ELMO3: variants seen among roughly 807,000 people sequenced by gnomAD.
The protein encoded by ELMO3 is engulfment and cell motility 3, also known as engulfment and cell motility protein 3.
In ELMO3, 81 loss-of-function variants were observed where a neutral mutation model predicts 89.0. That is an observed-to-expected ratio of 0.91 (90% CI 0.76 to 1.09). The LOEUF (loss-of-function observed/expected upper bound fraction) is 1.09. ELMO3 is among the 50% of genes least tolerant of loss of function. ELMO3 has a pLI of 0.00. For missense variants in ELMO3, 959 were observed against 972.8 expected (o/e 0.99, Z 0.19); for synonymous variants, 406 against 400.6 (o/e 1.01, Z -0.16).
At position 67,202,701 on chromosome 16, in the gene ELMO3, C is replaced by T. The variant is rs1332705276; in HGVS notation, c.1473C>T (p.Thr491=). 19 of 1,613,560 alleles carry T rather than the reference C, an allele frequency of 1.2e-5. No individual in the cohort carries two copies. The highest frequency in any genetic ancestry group is 1.5e-5 in the Non-Finnish European group (18 of 1,179,996). The change falls in exon 15 of 20, where the codon ACC becomes ACT. Residue 491 remains threonine, a synonymous_variant. Coordinates refer to ENST00000393997, the MANE Select transcript of ELMO3 (RefSeq NM_024712.5). ...CCACTTCCCTGGAGCTCTTCCGAAC[C>T]AAGGTGAATGCGCTCACTTATGGGG... ...LKPTSLELFR[T]KVNALTYGEV... is the part of the protein sequence containing the mutation.
chr16:67,199,892 A>G, intron 3 of ELMO3, 59 bp from the exon 4 acceptor site: 3 of 1,611,826 alleles, frequency 1.9e-6, no homozygotes, highest in Non-Finnish European at 2.5e-6. Flanking sequence ...CCGACACCCC[A>G]GTTGATCAGT....
chr16:67,203,771 G>C lies in ELMO3; in HGVS notation c.2057G>C (p.Arg686Pro). 1.2e-6 allele frequency: 2 copies of C among 1,613,124 alleles called. No homozygotes were observed. Among genetic ancestry groups the C allele is most frequent in the Non-Finnish European group, 1.7e-6 (2 of 1,179,940 alleles). The change falls in exon 20 of 20, where the codon CGT becomes CCT. Residue 686 changes from arginine (R) to proline (P), a missense_variant. Arg to Pro is a moderately radical substitution (Grantham distance 103, BLOSUM62 -2). Transcript: ENST00000393997. This position sits in a 1 kb window ranked among gnomAD's most constrained non-coding sequence, Gnocchi z 4.6. ...EQLLTMETKL[R>P]LLELENVPIP... ...CTGCTGACCATGGAGACCAAGCTGCGTCTGCTGGAGCTGGAGAACGTGCCC... is the reference window on the plus strand; with the variant it reads ...CTGCTGACCATGGAGACCAAGCTGCCTCTGCTGGAGCTGGAGAACGTGCCC...
Position 67,203,187 on chromosome 16 carries a change from G to T in ELMO3, c.1744G>T (p.Ala582Ser). 6.2e-7 allele frequency: 1 copy of T among 1,610,678 alleles called. No individual in the cohort carries two copies. Residue 582 changes from alanine to serine, a missense_variant, in exon 17 of 20, where the codon GCC becomes TCC. Physicochemically the swap from Ala to Ser is moderately conservative, Grantham distance 99. Coordinates refer to ENST00000393997, the MANE Select transcript of ELMO3 (RefSeq NM_024712.5). This position sits in a 1 kb window ranked among gnomAD's most constrained non-coding sequence, Gnocchi z 4.6. ...LLQYGDMEEG[A>S]SPPTLESLPE... ...GCAGTACGGAGACATGGAGGAGGGC[G>T]CCAGCCCGCCTACCCTGGAGAGTCT... is the stretch of plus-strand genomic sequence containing the variant.
chr16:67,202,709 A>G lies in ELMO3; in HGVS notation c.1481A>G (p.Asn494Ser). Residue 494 changes from asparagine to serine, a missense_variant, in exon 15 of 20, where the codon AAT (asparagine) becomes AGT (serine). Asn to Ser is a conservative substitution (Grantham distance 46). Transcript: ENST00000393997. The part of the protein sequence containing the change: ...TSLELFRTKV[N>S]ALTYGEVLRL... ...CTGGAGCTCTTCCGAACCAAGGTGAATGCGCTCACTTATGGGGAGGTGCTG... is the reference window on the plus strand; with the variant it reads ...CTGGAGCTCTTCCGAACCAAGGTGAGTGCGCTCACTTATGGGGAGGTGCTG... 1 of 1,613,608 alleles carries G rather than the reference A, an allele frequency of 6.2e-7. No individual in the cohort carries two copies. Among genetic ancestry groups the G allele is most frequent in the Non-Finnish European group, 8.5e-7 (1 of 1,179,974 alleles).
rs1249238467 is a variant in ELMO3, at chr16:67,203,805, G to A, written c.2091G>A (p.Glu697=). Residue 697 remains glutamate, a synonymous_variant, in exon 20 of 20, where the codon GAG becomes GAA. Coordinates refer to ENST00000393997, the MANE Select transcript of ELMO3 (RefSeq NM_024712.5). The surrounding 1 kb of genome is among the most constrained non-coding windows in gnomAD (Gnocchi z 4.6). The part of the protein sequence containing the change: ...LLELENVPIP[E]RPPPVPPPPT... ...AGCTGGAGAACGTGCCCATCCCCGA[G>A]CGGCCACCCCCTGTGCCCCCACCCC... 6.2e-7 allele frequency: 1 copy of A among 1,611,314 alleles called. No individual in the cohort carries two copies. Among genetic ancestry groups the A allele is most frequent in the Non-Finnish European group, 8.5e-7 (1 of 1,179,326 alleles).
chr16:67,200,992 T>C, intron 8 of ELMO3, 24 bp downstream of exon 8: 1 of 1,580,306 alleles, frequency 6.3e-7, no homozygotes, highest in Non-Finnish European at 8.5e-7. Context: ...GGTGGCTAGA[T>C]GGGGGCAGCA....
rs1327339723 is a variant in ELMO3 at position 67,202,611 on chromosome 16, G to A, written c.1399-16G>A. On this transcript the variant is annotated splice_polypyrimidine_tract_variant and intron_variant, in intron 14 of 19. Transcript: ENST00000393997. Reference sequence around the variant, plus strand: ...GTACAGAGCTTAGGCCCTGAGCTGAGCTTGGGCGGCCCCAGGTCATGCAGG... The same window carrying A: ...GTACAGAGCTTAGGCCCTGAGCTGAACTTGGGCGGCCCCAGGTCATGCAGG... The A allele has an allele frequency of 3.1e-6, 5 of 1,613,206 alleles. No homozygotes were observed. In the Admixed American group the frequency reaches 5.0e-5, roughly 16 times the overall value.
intron 5 of ELMO3, 26 bp downstream of exon 5, chr16:67,200,387 G>A: frequency 6.2e-7 from 1 of 1,612,376 alleles, no homozygotes; most frequent in Non-Finnish European, 8.5e-7. Flanking sequence ...TGTGGGCTGG[G>A]GGAGATGGTG....
rs201968221 is a variant in ELMO3 at position 67,202,269 on chromosome 16, C to T, written c.1246C>T (p.Arg416Cys). 1.0e-5 allele frequency: 16 copies of T among 1,607,732 alleles called. No individual in the cohort carries two copies. The highest frequency in any genetic ancestry group is 2.2e-5 in the East Asian group (1 of 44,734). ...QLTVLLCELL[R>C]VGEPCSETAQ... ...GACGGTGCTGCTGTGTGAGCTGCTCCGTGTTGGGGAGCCCTGTGAGTGGCC... is the reference window on the plus strand; with the variant it reads ...GACGGTGCTGCTGTGTGAGCTGCTCTGTGTTGGGGAGCCCTGTGAGTGGCC... Residue 416 changes from arginine to cysteine, a missense_variant, in exon 13 of 20, where the codon CGT (arginine) becomes TGT (cysteine). Coordinates refer to ENST00000393997, the MANE Select transcript of ELMO3 (RefSeq NM_024712.5).
Position 67,203,141 on chromosome 16 carries a change from G to A in ELMO3, c.1698G>A (p.Leu566=), listed in dbSNP as rs2033164277. ...RRQDKLWFCC[L]SPNHKLLQYG... ...CAGATAAGCTGTGGTTCTGCTGCCT[G>A]TCCCCCAACCACAAGCTGCTGCAGT... Residue 566 remains leucine, a synonymous_variant, in exon 17 of 20, where the codon CTG becomes CTA. Transcript: ENST00000393997. This position sits in a 1 kb window ranked among gnomAD's most constrained non-coding sequence, Gnocchi z 4.6. The A allele has an allele frequency of 6.2e-7, 1 of 1,611,990 alleles. No homozygotes were observed.
In ELMO3 at chr16:67,202,039, G is replaced by A. The variant is rs373903466; in HGVS notation, c.1113G>A (p.Met371Ile). 5 of 1,547,124 alleles carry A rather than the reference G, an allele frequency of 3.2e-6. No individual in the cohort carries two copies. The Admixed American group carries it at 5.2e-5, about 16-fold the overall frequency. Residue 371 changes from methionine to isoleucine, a missense_variant, in exon 12 of 20, where the codon ATG (methionine) becomes ATA (isoleucine). Coordinates refer to ENST00000393997, the MANE Select transcript of ELMO3 (RefSeq NM_024712.5). ...VPPGLLALDN[M>I]LYFSRNAPSA... ...CCGGTCTGCTGGCCCTGGACAACAT[G>A]TTGTACTTCTCCAGAAACGCGCCCA...
At position 67,202,970 on chromosome 16, in the gene ELMO3, G is replaced by A. The variant is rs375211880; in HGVS notation, c.1641G>A (p.Thr547=). The A allele has an allele frequency of 1.9e-4, 300 of 1,607,802 alleles. 1 individual carries two copies. Among genetic ancestry groups the A allele is most frequent in the African/African-American group, 4.0e-5 (3 of 74,916 alleles). ...QQRLLRLCEG[T]LFRKISSRRR... Reference sequence around the variant, plus strand: ...GCTTGCTCCGCCTCTGTGAGGGGACGCTCTTCCGCAAGATCAGCAGCCGGC... The same window carrying A: ...GCTTGCTCCGCCTCTGTGAGGGGACACTCTTCCGCAAGATCAGCAGCCGGC... The change falls in exon 16 of 20, where the codon ACG becomes ACA. Residue 547 remains threonine (T), a synonymous_variant. Transcript: ENST00000393997.
At chr16:67,202,328 C>A in intron 13 of ELMO3, 44 bp downstream of exon 13, 1 of 1,613,348 alleles carries the variant, frequency 6.2e-7, no homozygotes, top group Non-Finnish European at 8.5e-7. Context: ...GAGCAGGGGA[C>A]GGAAGGGCAG....
rs867301547 is a variant in ELMO3 at position 67,203,001 on chromosome 16, C to T, written c.1672C>T (p.Gln558Ter). 6.2e-7 allele frequency: 1 copy of T among 1,605,346 alleles called. No individual in the cohort carries two copies. Among genetic ancestry groups the T allele is most frequent in the South Asian group, 1.1e-5 (1 of 91,040 alleles). The stretch of plus-strand genomic sequence containing the variant: ...CCGCAAGATCAGCAGCCGGCGGCGC[C>T]AGGGTCTCTGAATGGGCATGGGCAG... ...LFRKISSRRR[Q>*]DKLWFCCLSP... is the part of the protein sequence containing the mutation. The change falls in exon 16 of 20, where the codon CAG (glutamine) becomes TAG (stop). Residue 558 changes from glutamine (Q) to a stop codon, truncating the protein, a stop_gained. Transcript: ENST00000393997. LOFTEE classifies it high-confidence loss of function. The surrounding 1 kb of genome is among the most constrained non-coding windows in gnomAD (Gnocchi z 4.6).
chr16:67,200,979 A>T lies in ELMO3; in HGVS notation c.744+11A>T, dbSNP rs1048143893. The T allele has an allele frequency of 1.9e-6, 3 of 1,588,520 alleles. No individual in the cohort carries two copies. The highest frequency in any genetic ancestry group is 1.9e-4 in the Middle Eastern group (1 of 5,200). ...CCTGTGGAACGCAAGGTGAGTGTCG[A>T]TCGGTGGCTAGATGGGGGCAGCACC... On this transcript the variant is annotated intron_variant, in intron 8 of 19. Transcript: ENST00000393997.
Position 67,201,013 on chromosome 16 carries a change from G to A in ELMO3, c.744+45G>A, listed in dbSNP as rs933111597. 10 of 1,558,086 alleles carry A rather than the reference G, an allele frequency of 6.4e-6. No homozygotes were observed. The East Asian group carries it at 1.1e-4, about 18-fold the overall frequency. ...TAGATGGGGGCAGCACCCGGTGGGCGCTGCCCCACCCTGAAGCAAAATCCT... is the reference window on the plus strand; with the variant it reads ...TAGATGGGGGCAGCACCCGGTGGGCACTGCCCCACCCTGAAGCAAAATCCT... On this transcript the variant is annotated intron_variant, in intron 8 of 19. Transcript: ENST00000393997.
chr16:67,203,253 C>T lies in ELMO3; in HGVS notation c.1780+30C>T. ...GGCGGGCAGGGGCGGGGGCCAGATA[C>T]CTGCTCTCCCCAGACCGCCCTGGGC... On this transcript the variant is annotated intron_variant, in intron 17 of 19. Transcript: ENST00000393997. The surrounding 1 kb of genome is among the most constrained non-coding windows in gnomAD (Gnocchi z 4.6). 1.9e-6 allele frequency: 3 copies of T among 1,594,174 alleles called. No individual in the cohort carries two copies. Among genetic ancestry groups the T allele is most frequent in the Non-Finnish European group, 2.6e-6 (3 of 1,174,294 alleles).
rs188685815 is a variant in ELMO3, at chr16:67,202,712, C to G, written c.1484C>G (p.Ala495Gly). ...GAGCTCTTCCGAACCAAGGTGAATG[C>G]GCTCACTTATGGGGAGGTGCTGCGG... The part of the protein sequence containing the change: ...SLELFRTKVN[A>G]LTYGEVLRLR... The change falls in exon 15 of 20, where the codon GCG (alanine) becomes GGG (glycine). Residue 495 changes from alanine to glycine, a missense_variant. Coordinates refer to ENST00000393997, the MANE Select transcript of ELMO3 (RefSeq NM_024712.5). The G allele has an allele frequency of 1.2e-6, 2 of 1,613,584 alleles. No homozygotes were observed. The highest frequency in any genetic ancestry group is 2.2e-5 in the South Asian group (2 of 91,088).
chr16:67,201,803 C>CG lies in ELMO3; in HGVS notation c.983dup (p.Ala329CysfsTer6). The CG allele has an allele frequency of 6.2e-7, 1 of 1,611,980 alleles. No homozygotes were observed. The highest frequency in any genetic ancestry group is 8.5e-7 in the Non-Finnish European group (1 of 1,179,986). ...GCCTTCGAGGTGGAGGGGGAGTCCT[C>CG]GGGTGCCGGGCTAAGTGCTGACCGT... On this transcript the variant is annotated frameshift_variant, in exon 11 of 20. Coordinates refer to ENST00000393997, the MANE Select transcript of ELMO3 (RefSeq NM_024712.5). LOFTEE classifies it high-confidence loss of function.
Sources: allele counts gnomAD v4.1 joint callset, GRCh38; gene constraint gnomAD v4.1.1; non-coding constraint Gnocchi (gnomAD v3.1); transcripts MANE v1.5; gene names NCBI Gene and HGNC (gene_info 2026-07-23, HGNC 2026-07-21).